FGF13: variants seen among roughly 807,000 people sequenced by gnomAD.
FGF13 encodes the protein fibroblast growth factor 13, also known as fibroblast growth factor homologous factor 2.
A neutral mutation model predicts 19.5 loss-of-function variants in FGF13; 2 were observed. The ratio of observed to expected loss-of-function variants is 0.10; its 90% CI spans 0.04 to 0.32. The LOEUF (loss-of-function observed/expected upper bound fraction) is 0.32. Ranked by LOEUF, FGF13 falls within the 10% of genes least tolerant of loss-of-function variation. The pLI is 1.00. For synonymous variants in FGF13, 72 were observed against 76.9 expected (o/e 0.94, Z 0.33); for missense variants, 113 against 192.7 (o/e 0.59, Z 2.45).
chrX:138,871,765 G>C (rs1386775333), intron 1 of FGF13, among the ~76,000 whole-genome samples: 2 of 111,441 alleles, frequency 1.8e-5, no homozygotes, highest in African/African-American at 6.5e-5. Flanking sequence ...GTGAATTGCT[G>C]TTTTTGTAGA....
At chrX:139,098,188 A>G (rs1052715756) in intron 1 of FGF13, among the ~76,000 whole-genome samples, 2 of 111,614 alleles carry the variant, frequency 1.8e-5, no homozygotes, top group African/African-American at 6.5e-5. Context: ...GGCTCTTAGA[A>G]GAAGCCCATG....
intron 1 of FGF13, among the ~76,000 whole-genome samples, chrX:139,030,914 T>C (rs926504578): frequency 8.9e-6 from 1 of 112,204 alleles, no homozygotes. Context: ...CAGGGAAGCA[T>C]AGTCCACCAG....
intron 1 of FGF13, among the ~76,000 whole-genome samples, chrX:138,903,991 G>A (rs778627771): frequency 9.0e-6 from 1 of 111,053 alleles, no homozygotes; most frequent in African/African-American, 3.3e-5. Context: ...ATGTATAAAT[G>A]GATAGAGATT....
At chrX:138,726,333 C>T (rs892120940) in intron 1 of FGF13, among the ~76,000 whole-genome samples, 21 of 111,592 alleles carry the variant, frequency 1.9e-4, no homozygotes, top group Non-Finnish European at 3.0e-4. Flanking sequence ...AACTTAATTG[C>T]GAATCTTGAT....
chrX:139,073,125 G>C (rs1461311762), intron 1 of FGF13, among the ~76,000 whole-genome samples: 1 of 99,709 alleles, frequency 1.0e-5, no homozygotes, highest in African/African-American at 4.0e-5. Context: ...CTAGTTTGGA[G>C]CTGTTTTTCC....
intron 1 of FGF13, among the ~76,000 whole-genome samples, chrX:139,053,300 C>T (rs2092308709): frequency 9.0e-6 from 1 of 110,906 alleles, no homozygotes. Context: ...GGTAGTTCTA[C>T]TTTTAGTTCT....
At chrX:138,972,457 C>T (rs909939702) in intron 1 of FGF13, among the ~76,000 whole-genome samples, 1 of 107,200 alleles carries the variant, frequency 9.3e-6, no homozygotes, top group African/African-American at 3.4e-5. Flanking sequence ...CCCGGGTTCA[C>T]GCCATTCTCC....
intron 1 of FGF13, among the ~76,000 whole-genome samples, chrX:138,928,517 C>T (rs1297428882): frequency 1.8e-5 from 2 of 110,434 alleles, no homozygotes; most frequent in Admixed American, 9.6e-5. Flanking sequence ...GATGTTATCG[C>T]GGTGCTCTCA....
At chrX:138,676,951 C>T (rs2089674232) in intron 3 of FGF13, among the ~76,000 whole-genome samples, 1 of 112,371 alleles carries the variant, frequency 8.9e-6, no homozygotes, top group Admixed American at 9.4e-5. Context: ...TCACTATTTC[C>T]TTATAAGGAA....
intron 3 of FGF13, among the ~76,000 whole-genome samples, chrX:138,659,137 C>T (rs1433309623): frequency 9.0e-6 from 1 of 111,646 alleles, no homozygotes; most frequent in Non-Finnish European, 1.9e-5. Context: ...TTAATACCTT[C>T]TGAAGCAATG....
chrX:139,073,608 G>A (rs1569450308), intron 1 of FGF13, among the ~76,000 whole-genome samples: 1 of 111,540 alleles, frequency 9.0e-6, no homozygotes, highest in Non-Finnish European at 1.9e-5. Context: ...AGTCAAGTGG[G>A]ATAAGGAAGT....
At chrX:138,678,506 T>C (rs1230754730) in intron 3 of FGF13, among the ~76,000 whole-genome samples, 2 of 111,966 alleles carry the variant, frequency 1.8e-5, no homozygotes, top group African/African-American at 3.2e-5. Flanking sequence ...TTCTGATATA[T>C]GGCATTCACA....
intron 3 of FGF13, among the ~76,000 whole-genome samples, chrX:138,810,466 T>C (rs767442455): frequency 5.0e-4 from 56 of 111,488 alleles, no homozygotes; most frequent in Non-Finnish European, 8.5e-4. Flanking sequence ...AAGACTTAAA[T>C]GTTAGACCTA....
chrX:139,185,114 T>C (rs1367064797), intron 1 of FGF13, among the ~76,000 whole-genome samples: 2 of 112,171 alleles, frequency 1.8e-5, no homozygotes, highest in African/African-American at 3.2e-5. Flanking sequence ...TAGCTATCCA[T>C]GGGAAAAGGG....
intron 3 of FGF13, among the ~76,000 whole-genome samples, chrX:138,693,259 A>G (rs756755325): frequency 9.0e-6 from 1 of 111,712 alleles, no homozygotes; most frequent in Non-Finnish European, 1.9e-5. Flanking sequence ...AAGCTGATTT[A>G]CTTGTGTTTG....
At chrX:138,689,213 T>C (rs977723691) in intron 3 of FGF13, among the ~76,000 whole-genome samples, 38 of 112,386 alleles carry the variant, frequency 3.4e-4, no homozygotes, top group African/African-American at 1.1e-3. Flanking sequence ...TAGCTAAGTC[T>C]GAAATAAATC....
chrX:139,158,944 C>T (rs2084003387), intron 1 of FGF13, among the ~76,000 whole-genome samples: 1 of 111,821 alleles, frequency 8.9e-6, no homozygotes, highest in African/African-American at 3.3e-5. Flanking sequence ...CCTAGCAAGA[C>T]AGGCCAACAT....
At chrX:139,068,198 A>C (rs1227295850) in intron 1 of FGF13, among the ~76,000 whole-genome samples, 3 of 92,311 alleles carry the variant, frequency 3.2e-5, no homozygotes, top group African/African-American at 9.7e-5. Context: ...TCAGCTTTCT[A>C]CATATGGCTA....
chrX:138,687,004 T>C (rs5931475), intron 3 of FGF13, among the ~76,000 whole-genome samples: 43,705 of 110,715 alleles, frequency 0.39, 7,236 homozygotes, highest in African/African-American at 0.63. Context: ...AAAAATCAAC[T>C]CAAAATGTAT....
Sources: allele counts gnomAD v4.1 joint callset (sites outside exome capture counted in the v4.1 genomes callset), GRCh38; gene constraint gnomAD v4.1.1; transcripts MANE v1.5; gene names NCBI Gene and HGNC (gene_info 2026-07-23, HGNC 2026-07-21).